Variants in GRIK1 observed in about 807,000 individuals in gnomAD.
The protein encoded by GRIK1 is glutamate ionotropic receptor kainate type subunit 1.
GRIK1 carries 69 observed loss-of-function variants against 105.7 expected under a neutral mutation model. The ratio of observed to expected loss-of-function variants is 0.65; its 90% CI spans 0.54 to 0.80. The LOEUF is 0.80. GRIK1 is among the 30% of genes least tolerant of loss of function. The pLI is 0.00. For missense variants in GRIK1, 1,109 were observed against 1,167.3 expected, an observed-to-expected ratio of 0.95 and a Z score of 0.73; for synonymous variants, 438 against 431.3, an observed-to-expected ratio of 1.02 and a Z score of -0.19.
intron 7 of GRIK1, chr21:29,601,154 C>T: frequency 4.3e-6 from 2 of 470,226 alleles, no homozygotes; most frequent in Non-Finnish European, 8.9e-6. Context: ...TGAGTGGGTA[C>T]CATTCAATTC....
At chr21:29,757,940 A>G (rs1017096350) in intron 1 of GRIK1, among the ~76,000 whole-genome samples, 1 of 152,236 alleles carries the variant, frequency 6.6e-6, no homozygotes, top group Non-Finnish European at 1.5e-5. Flanking sequence ...ATTGCATTAG[A>G]CAGCGTAGGC....
intron 1 of GRIK1, among the ~76,000 whole-genome samples, chr21:29,915,128 C>A (rs2070949754): frequency 6.6e-6 from 1 of 151,968 alleles, no homozygotes; most frequent in Non-Finnish European, 1.5e-5. Context: ...TATATGTGCT[C>A]ATTTTCAATC....
chr21:29,905,721 G>A (rs2070605328), intron 1 of GRIK1, among the ~76,000 whole-genome samples: 1 of 141,018 alleles, frequency 7.1e-6, no homozygotes, highest in Admixed American at 7.2e-5. Context: ...CCGCCTCCCA[G>A]GTTCACGCCA....
At chr21:29,552,338 T>C (rs1422449931) in intron 16 of GRIK1, among the ~76,000 whole-genome samples, 1 of 152,118 alleles carries the variant, frequency 6.6e-6, no homozygotes, top group African/African-American at 2.4e-5. Context: ...TAGTGAGGAA[T>C]CATCAGATAT....
In GRIK1 at chr21:29,614,664, C is replaced by T. The variant is rs138280014; in HGVS notation, c.1099-15727G>A. On this transcript the variant is annotated intron_variant, in intron 7 of 17. Coordinates refer to ENST00000327783, the MANE Select transcript of GRIK1 (RefSeq NM_001330994.2). ...TCGACCTCAGGTGATCTGCCTGCCT[C>T]GGCCTCCCAAAGTGTTGGGATTACA... 5.9e-5 allele frequency among the ~76,000 whole-genome samples: 9 copies of T among 151,352 alleles called. No homozygotes were observed. In the East Asian group the frequency reaches 1.7e-3, roughly 29 times the overall value.
chr21:29,816,163 A>T (rs1385032504), intron 1 of GRIK1, among the ~76,000 whole-genome samples: 1 of 152,118 alleles, frequency 6.6e-6, no homozygotes, highest in Non-Finnish European at 1.5e-5. Context: ...TCAAAAGAAG[A>T]CAGACAAACG....
At chr21:29,665,646 TG>T (rs1299605402) in intron 4 of GRIK1, among the ~76,000 whole-genome samples, 1 of 152,246 alleles carries the variant, frequency 6.6e-6, no homozygotes, top group East Asian at 1.9e-4. Context: ...AGAGGATTCT[TG>T]GTCACGTGTA....
chr21:29,886,140 T>C (rs1479056208), intron 1 of GRIK1, among the ~76,000 whole-genome samples: 3 of 152,120 alleles, frequency 2.0e-5, no homozygotes, highest in Non-Finnish European at 2.9e-5. Context: ...GGATGCTGGA[T>C]ACTTAAAAGA....
In GRIK1 at chr21:29,689,955, G is replaced by T; in HGVS notation, c.317C>A (p.Ala106Asp). Residue 106 changes from alanine (A) to aspartate (D), a missense_variant, in exon 3 of 18, where the codon GCT becomes GAT. Around this residue, in one of 5 missense-constraint regions of GRIK1, gnomAD observed 612 missense variants for 586.0 expected, o/e 1.04. Transcript: ENST00000327783. ...ACDQLALGVA[A>D]LFGPSHSSSV... ...GGAGCTATGGGAAGGGCCAAAGAGAGCAGCCACACCAAGAGCCAGCTGGTC... is the reference window on the plus strand; with the variant it reads ...GGAGCTATGGGAAGGGCCAAAGAGATCAGCCACACCAAGAGCCAGCTGGTC... 1 of 1,591,186 alleles carries T rather than the reference G, an allele frequency of 6.3e-7. No individual in the cohort carries two copies. Among genetic ancestry groups the T allele is most frequent in the South Asian group, 1.1e-5 (1 of 90,876 alleles).
At chr21:29,649,558 G>A (rs2062687534) in intron 6 of GRIK1, among the ~76,000 whole-genome samples, 1 of 152,150 alleles carries the variant, frequency 6.6e-6, no homozygotes, top group African/African-American at 2.4e-5. Context: ...ACCAGCTGCT[G>A]CCCTGGGATA....
intron 1 of GRIK1, among the ~76,000 whole-genome samples, chr21:29,929,035 TA>T (rs1196992630): frequency 6.6e-6 from 1 of 152,204 alleles, no homozygotes; most frequent in African/African-American, 2.4e-5. Flanking sequence ...CTATAAATGT[TA>T]AATGTAATAC....
chr21:29,586,716 A>G (rs1229726524), intron 12 of GRIK1, among the ~76,000 whole-genome samples: 2 of 152,060 alleles, frequency 1.3e-5, no homozygotes, highest in Non-Finnish European at 2.9e-5. Context: ...GTAGAGCAAA[A>G]TGGTTAAATA....
At chr21:29,700,370 C>G (rs1437847081) in intron 1 of GRIK1, among the ~76,000 whole-genome samples, 1 of 152,164 alleles carries the variant, frequency 6.6e-6, no homozygotes. Flanking sequence ...AATCACAACT[C>G]TACAACTGCT....
chr21:29,826,239 A>G (rs941472831), intron 1 of GRIK1, among the ~76,000 whole-genome samples: 2 of 152,202 alleles, frequency 1.3e-5, no homozygotes, highest in South Asian at 2.1e-4. Flanking sequence ...ACTACTGTTA[A>G]TCTCCATCTA....
intron 1 of GRIK1, among the ~76,000 whole-genome samples, chr21:29,706,081 C>T (rs1441148288): frequency 6.6e-6 from 1 of 152,012 alleles, no homozygotes; most frequent in Admixed American, 6.5e-5. Flanking sequence ...GCCATGTTGG[C>T]CAGGCTGGTC....
At chr21:29,773,303 C>G (rs2065860335) in intron 1 of GRIK1, among the ~76,000 whole-genome samples, 2 of 152,188 alleles carry the variant, frequency 1.3e-5, no homozygotes, top group African/African-American at 2.4e-5. Flanking sequence ...GGCTTCAACT[C>G]ATTTTGGCCC....
Position 29,804,217 on chromosome 21 carries a change from G to A in GRIK1, c.119-110154C>T, listed in dbSNP as rs191956188. ...TACATCTCGCTCATACGTAATCAAAGAAAAGTGTCTAAAACATCAACCAAG... is the reference window on the plus strand; with the variant it reads ...TACATCTCGCTCATACGTAATCAAAAAAAAGTGTCTAAAACATCAACCAAG... On this transcript the variant is annotated intron_variant, in intron 1 of 17. Coordinates refer to ENST00000327783, the MANE Select transcript of GRIK1 (RefSeq NM_001330994.2). 1.2e-4 allele frequency among the ~76,000 whole-genome samples: 19 copies of A among 152,104 alleles called. No individual in the cohort carries two copies. The East Asian group carries it at 3.1e-3, about 25-fold the overall frequency.
chr21:29,689,971 C>T lies in GRIK1; in HGVS notation c.301G>A (p.Ala101Thr). The change falls in exon 3 of 18, where the codon GCT (alanine) becomes ACT (threonine). Residue 101 changes from alanine (A) to threonine (T), a missense_variant. This residue lies in a region of GRIK1 where 612 missense variants were observed against 586.0 expected (regional missense o/e 1.04). Coordinates refer to ENST00000327783, the MANE Select transcript of GRIK1 (RefSeq NM_001330994.2). ...CCAAAGAGAGCAGCCACACCAAGAGCCAGCTGGTCACATGCTGATGCCCAA... is the reference window on the plus strand; with the variant it reads ...CCAAAGAGAGCAGCCACACCAAGAGTCAGCTGGTCACATGCTGATGCCCAA... ...EASRRACDQL[A>T]LGVAALFGPS... 6.2e-6 allele frequency: 10 copies of T among 1,613,176 alleles called. No homozygotes were observed. Among genetic ancestry groups the T allele is most frequent in the Non-Finnish European group, 8.5e-6 (10 of 1,179,470 alleles).
At chr21:29,890,859 A>G (rs1410890817) in intron 1 of GRIK1, among the ~76,000 whole-genome samples, 1 of 152,192 alleles carries the variant, frequency 6.6e-6, no homozygotes, top group Non-Finnish European at 1.5e-5. Context: ...GGAGATAAAC[A>G]GAGCCCATTT....
Sources: gnomAD v4.1 joint callset for allele counts (sites outside exome capture counted in the v4.1 genomes callset) on GRCh38, gnomAD v4.1.1 for gene constraint, gnomAD v4.1.1 regional missense constraint, MANE v1.5 for transcripts, NCBI Gene and HGNC (gene_info 2026-07-23, HGNC 2026-07-21) for gene names.